Variants in EPB41L2 observed in about 807,000 individuals in gnomAD.
EPB41L2 encodes the protein band 4.1-like protein 2.
A neutral mutation model predicts 113.0 loss-of-function variants in EPB41L2; 43 were observed. That is an observed-to-expected ratio of 0.38 (90% CI 0.30 to 0.49). The LOEUF (loss-of-function observed/expected upper bound fraction) is 0.49. Among genes scored for constraint, EPB41L2 ranks in the 20% least tolerant of loss-of-function variants. EPB41L2 has a pLI of 0.95. For synonymous variants in EPB41L2, 442 were observed against 436.7 expected (o/e 1.01, Z -0.15); for missense variants, 1,147 against 1,223.4 (o/e 0.94, Z 0.93).
chr6:131,038,515 T>C (rs1323679899), intron 1 of EPB41L2, among the ~76,000 whole-genome samples: 1 of 152,226 alleles, frequency 6.6e-6, no homozygotes, highest in Non-Finnish European at 1.5e-5. Flanking sequence ...TAAAAATAAG[T>C]AATGGTCTAC....
At chr6:130,913,811 G>A (rs6569713) in intron 4 of EPB41L2, among the ~76,000 whole-genome samples, 40,351 of 151,932 alleles carry the variant, frequency 0.27, 6,829 homozygotes, top group African/African-American at 0.47. Flanking sequence ...AATAAATACA[G>A]TAAATAATAA....
Position 130,968,730 on chromosome 6 carries a change from C to CTT in EPB41L2, c.-14-12233_-14-12232dup, listed in dbSNP as rs11340034. On this transcript the variant is annotated intron_variant, in intron 1 of 19. Coordinates refer to ENST00000337057, the MANE Select transcript of EPB41L2 (RefSeq NM_001431.4). ...CATGCCATTTGGAGTGCTATAAAAC[C>CTT]TTTTTTTTTTTTTTTTAAAGTTAAG... Among the ~76,000 whole-genome samples the CTT allele has an allele frequency of 1.4e-3, 195 of 142,468 alleles. 1 individual carries two copies. The highest frequency in any genetic ancestry group is 2.8e-3 in the African/African-American group (112 of 39,356). The allele number at this position is 142,468 out of a possible 152,430, so 93.5% of individuals were successfully genotyped here. A position where few individuals can be genotyped will look rare whatever the true frequency, so the allele number is the denominator to read the frequency against.
At chr6:130,867,968 ACACACTCTCTCTCTCTCTCT>A (rs1405690684) in intron 15 of EPB41L2, 1 of 132,728 alleles carries the variant, frequency 7.5e-6, no homozygotes, top group Non-Finnish European at 1.6e-5. Context: ...ACACACACAC[ACACACTCTCTCTCTCTCTCT>A]CTCTCTCTCT....
intron 1 of EPB41L2, among the ~76,000 whole-genome samples, chr6:131,012,788 C>T (rs1158667800): frequency 6.6e-6 from 1 of 152,076 alleles, no homozygotes; most frequent in Non-Finnish European, 1.5e-5. Context: ...ATTAGGTACA[C>T]AGGTGCTCAG....
chr6:130,911,154 A>G (rs1799264617), intron 4 of EPB41L2, among the ~76,000 whole-genome samples: 1 of 152,246 alleles, frequency 6.6e-6, no homozygotes. Flanking sequence ...GACTGGATAA[A>G]GAAAATGTGG....
At chr6:131,057,288 T>C (rs570617530) in intron 1 of EPB41L2, among the ~76,000 whole-genome samples, 1 of 152,188 alleles carries the variant, frequency 6.6e-6, no homozygotes, top group East Asian at 1.9e-4. Context: ...GGGAACACAA[T>C]ACCTCACTTA....
chr6:130,904,530 C>A lies in EPB41L2; in HGVS notation c.864G>T (p.Trp288Cys). 6.3e-7 allele frequency: 1 copy of A among 1,598,472 alleles called. No homozygotes were observed. Among genetic ancestry groups the A allele is most frequent in the Non-Finnish European group, 8.6e-7 (1 of 1,168,586 alleles). Residue 288 changes from tryptophan to cysteine, a missense_variant, in exon 6 of 20, where the codon TGG becomes TGT. By Grantham distance (215) the Trp-to-Cys change is radical (BLOSUM62 -2). Coordinates refer to ENST00000337057, the MANE Select transcript of EPB41L2 (RefSeq NM_001431.4). The part of the protein sequence containing the change: ...EIKRQLRNLP[W>C]LFTFNVKFYP... ...AAAACTTCACATTAAAAGTGAATAG[C>A]CATGGAAGGTCTGTAATTATTAAAT...
At chr6:130,958,736 G>A (rs1324445805) in intron 1 of EPB41L2, among the ~76,000 whole-genome samples, 1 of 152,160 alleles carries the variant, frequency 6.6e-6, no homozygotes, top group African/African-American at 2.4e-5. Flanking sequence ...AGTGAAGACA[G>A]GACAGGCGGA....
At chr6:130,922,319 A>G (rs1803120684) in intron 4 of EPB41L2, among the ~76,000 whole-genome samples, 1 of 152,172 alleles carries the variant, frequency 6.6e-6, no homozygotes, top group Non-Finnish European at 1.5e-5. Flanking sequence ...CCTTCAACAC[A>G]CTATGTTTAA....
chr6:130,924,523 C>T (rs745544585), intron 4 of EPB41L2, among the ~76,000 whole-genome samples: 8 of 152,026 alleles, frequency 5.3e-5, no homozygotes, highest in Non-Finnish European at 1.0e-4. Context: ...GGACTACAGG[C>T]GCATGCCACC....
intron 1 of EPB41L2, among the ~76,000 whole-genome samples, chr6:131,021,515 G>A (rs2128739462): frequency 6.6e-6 from 1 of 152,164 alleles, no homozygotes; most frequent in East Asian, 1.9e-4. Context: ...CAAAAAATTA[G>A]GCAGGCGTGG....
At chr6:131,043,874 G>A (rs970846511) in intron 1 of EPB41L2, among the ~76,000 whole-genome samples, 2 of 152,162 alleles carry the variant, frequency 1.3e-5, no homozygotes, top group South Asian at 4.1e-4. Flanking sequence ...AAATAATATA[G>A]TAAGAAGTGA....
At chr6:130,844,935 G>C (rs1776539810) in intron 19 of EPB41L2, among the ~76,000 whole-genome samples, 1 of 152,022 alleles carries the variant, frequency 6.6e-6, no homozygotes, top group Non-Finnish European at 1.5e-5. Flanking sequence ...CCCAGCTACT[G>C]GGGGGCTGAG....
At chr6:130,935,395 C>T (rs952651369) in intron 3 of EPB41L2, among the ~76,000 whole-genome samples, 44 of 152,274 alleles carry the variant, frequency 2.9e-4, no homozygotes, top group African/African-American at 1.0e-3. Context: ...GAGCAGTATT[C>T]AATGGAATGT....
chr6:131,010,777 T>G (rs1164179343), intron 1 of EPB41L2, among the ~76,000 whole-genome samples: 1 of 152,088 alleles, frequency 6.6e-6, no homozygotes, highest in Non-Finnish European at 1.5e-5. Flanking sequence ...TACCAGCAAA[T>G]AGGCAGATCA....
chr6:130,886,358 T>C (rs369641117), intron 11 of EPB41L2, among the ~76,000 whole-genome samples: 1 of 152,124 alleles, frequency 6.6e-6, no homozygotes, highest in East Asian at 1.9e-4. Context: ...CAAAACGCTC[T>C]TCTCATATTT....
intron 11 of EPB41L2, 122 bp from the exon 12 acceptor site, chr6:130,885,390 T>G: frequency 1.2e-6 from 1 of 845,490 alleles, no homozygotes; most frequent in Admixed American, 2.6e-5. Flanking sequence ...ACAGAGACAT[T>G]GCTTGAGCTC....
chr6:131,054,579 GTC>G (rs1033288579), intron 1 of EPB41L2, among the ~76,000 whole-genome samples: 3 of 152,248 alleles, frequency 2.0e-5, no homozygotes, highest in South Asian at 2.1e-4. Flanking sequence ...GTCTCTTCAG[GTC>G]TCTGTTTGTC....
chr6:130,936,014 C>T (rs1369079827), intron 3 of EPB41L2, among the ~76,000 whole-genome samples: 2 of 152,192 alleles, frequency 1.3e-5, no homozygotes, highest in Non-Finnish European at 2.9e-5. Context: ...TAAATACCCA[C>T]AAATTTTATA....
Sources: allele counts gnomAD v4.1 joint callset (sites outside exome capture counted in the v4.1 genomes callset), GRCh38; gene constraint gnomAD v4.1.1; transcripts MANE v1.5; gene names NCBI Gene and HGNC (gene_info 2026-07-23, HGNC 2026-07-21).